The following POM121C variants were observed in gnomAD, a reference collection of about 807,000 sequenced individuals.
The protein encoded by POM121C is POM121 transmembrane nucleoporin C.
In POM121C, 20 loss-of-function variants were observed where a neutral mutation model predicts 66.4. The observed-to-expected ratio is 0.30, with a 90% CI of 0.21 to 0.44. The LOEUF is 0.44. POM121C is among the 20% of genes least tolerant of loss of function. The pLI is 1.00. For missense variants in POM121C, 580 were observed against 1,225.7 expected (o/e 0.47, Z 7.87); for synonymous variants, 286 against 528.0 (o/e 0.54, Z 6.28).
intron 6 of POM121C, among the ~76,000 whole-genome samples, chr7:75,438,385 G>A (rs1790497813): frequency 6.6e-6 from 1 of 152,102 alleles, no homozygotes; most frequent in Non-Finnish European, 1.5e-5. Flanking sequence ...TTGGTTTTTT[G>A]GAGACCATTG....
Position 75,439,136 on chromosome 7 carries a change from G to C in POM121C, c.308+8C>G, listed in dbSNP as rs782361969. On this transcript the variant is annotated splice_region_variant and intron_variant, in intron 6 of 14. Coordinates refer to ENST00000615331, the MANE Select transcript of POM121C (RefSeq NM_001099415.3). ...GTTGGTATTTCATCTGGATGGACTC[G>C]CACTTACTTAGGCACAAAAGAAGCG... 1.2e-6 allele frequency: 2 copies of C among 1,613,916 alleles called. No individual in the cohort carries two copies. The highest frequency in any genetic ancestry group is 1.1e-5 in the South Asian group (1 of 91,084).
At chr7:75,424,297 G>A in intron 11 of POM121C, 72 bp from the exon 12 acceptor site, 4 of 1,562,772 alleles carry the variant, frequency 2.6e-6, no homozygotes, top group Non-Finnish European at 3.5e-6. Flanking sequence ...TCGGAGAGCA[G>A]GCTCTCAGCA....
Position 75,431,310 on chromosome 7 carries a change from G to C in POM121C, c.481-4857C>G, listed in dbSNP as rs371278414. On this transcript the variant is annotated intron_variant, in intron 7 of 14. Coordinates refer to ENST00000615331, the MANE Select transcript of POM121C (RefSeq NM_001099415.3). ...TAAAAATCTCATATACTGCTGGTAA[G>C]AATATAAACCGGGCTGGGTGCAGTG... 7.2e-4 allele frequency among the ~76,000 whole-genome samples: 110 copies of C among 152,194 alleles called. 3 individuals carry two copies. The South Asian group carries it at 0.021, about 29-fold the overall frequency.
intron 1 of POM121C, among the ~76,000 whole-genome samples, chr7:75,478,109 G>T (rs2116540731): frequency 6.6e-6 from 1 of 152,282 alleles, no homozygotes; most frequent in Admixed American, 6.5e-5. Flanking sequence ...TGGGATTACA[G>T]GCGTGCACCA....
At chr7:75,433,214 G>A (rs1284433540) in intron 7 of POM121C, among the ~76,000 whole-genome samples, 2 of 102,924 alleles carry the variant, frequency 1.9e-5, no homozygotes, top group African/African-American at 3.8e-5. Flanking sequence ...TAGCCCCAGC[G>A]ACAGTGTGAG....
chr7:75,471,215 G>T (rs1791862859), intron 3 of POM121C, among the ~76,000 whole-genome samples: 1 of 152,074 alleles, frequency 6.6e-6, no homozygotes, highest in South Asian at 2.1e-4. Context: ...TAGATTGATT[G>T]ATTTATTCAT....
chr7:75,431,374 C>CCCA (rs1584659689), intron 7 of POM121C, among the ~76,000 whole-genome samples: 1 of 149,986 alleles, frequency 6.7e-6, no homozygotes, highest in East Asian at 2.0e-4. Flanking sequence ...GAGGCCAAGG[C>CCCA]AGTTGGATCA....
chr7:75,478,104 T>C (rs1792160528), intron 1 of POM121C, among the ~76,000 whole-genome samples: 1 of 152,102 alleles, frequency 6.6e-6, no homozygotes, highest in Admixed American at 6.6e-5. Flanking sequence ...GTAGCTGGGA[T>C]TACAGGCGTG....
intron 12 of POM121C, among the ~76,000 whole-genome samples, chr7:75,423,627 G>A (rs1291022585): frequency 2.6e-5 from 4 of 151,916 alleles, no homozygotes; most frequent in Admixed American, 6.6e-5. Flanking sequence ...AGAGGTGTGC[G>A]CGCGCAGTGC....
intron 13 of POM121C, chr7:75,420,732 C>G (rs1554470488): frequency 6.6e-6 from 1 of 152,568 alleles, no homozygotes; most frequent in Non-Finnish European, 1.5e-5. Context: ...CTGCATCCTT[C>G]TGCCTGATTC....
At chr7:75,440,389 G>A (rs1156322989) in intron 5 of POM121C, among the ~76,000 whole-genome samples, 28 of 151,102 alleles carry the variant, frequency 1.9e-4, no homozygotes, top group East Asian at 1.4e-3. Flanking sequence ...AATATGGTGA[G>A]ACCCTGTCTC....
chr7:75,478,197 C>A (rs1391713885), intron 1 of POM121C, among the ~76,000 whole-genome samples: 2 of 152,170 alleles, frequency 1.3e-5, no homozygotes, highest in Admixed American at 6.5e-5. Flanking sequence ...GAACTCCTGA[C>A]CTCGTGATCC....
In POM121C at chr7:75,482,393, C is replaced by G. The variant is rs138937895; in HGVS notation, c.-458+3471G>C. 2.9e-3 allele frequency among the ~76,000 whole-genome samples: 444 copies of G among 152,252 alleles called. 1 individual carries two copies. Among genetic ancestry groups the G allele is most frequent in the Non-Finnish European group, 5.3e-3 (362 of 68,020 alleles). On this transcript the variant is annotated intron_variant, in intron 1 of 14. Transcript: ENST00000615331. ...GAGTTTGAGACCAGCCTGAGCAATACAGTGAGAATACATTTCTAGGCCGGG... is the reference window on the plus strand; with the variant it reads ...GAGTTTGAGACCAGCCTGAGCAATAGAGTGAGAATACATTTCTAGGCCGGG...
intron 3 of POM121C, among the ~76,000 whole-genome samples, chr7:75,454,587 A>T (rs1468056065): frequency 6.6e-6 from 1 of 152,222 alleles, no homozygotes; most frequent in Non-Finnish European, 1.5e-5. Flanking sequence ...CCCTGCTCCC[A>T]ATCTGGTGAC....
At chr7:75,479,342 G>A (rs1415802829) in intron 1 of POM121C, among the ~76,000 whole-genome samples, 1 of 152,184 alleles carries the variant, frequency 6.6e-6, no homozygotes, top group Non-Finnish European at 1.5e-5. Flanking sequence ...TGGGCCAAGT[G>A]TGGTGGCTCA....
chr7:75,452,932 G>A (rs1469130946), intron 3 of POM121C, among the ~76,000 whole-genome samples: 1 of 152,136 alleles, frequency 6.6e-6, no homozygotes, highest in Admixed American at 6.5e-5. Context: ...GGGTGGGGAG[G>A]GAGAGGAGAT....
chr7:75,448,022 T>TC (rs1383792339), intron 3 of POM121C, among the ~76,000 whole-genome samples: 2 of 115,782 alleles, frequency 1.7e-5, no homozygotes, highest in Admixed American at 8.7e-5. Flanking sequence ...AGACTCCGTC[T>TC]CAAAAAAAAA....
chr7:75,469,104 T>A (rs1791780916), intron 3 of POM121C, among the ~76,000 whole-genome samples: 1 of 151,602 alleles, frequency 6.6e-6, no homozygotes, highest in Non-Finnish European at 1.5e-5. Context: ...CTACTTTCTT[T>A]TTTTTTTTTT....
At position 75,418,805 on chromosome 7, in the gene POM121C, G is replaced by A; in HGVS notation, c.2955C>T (p.Arg985=). 1.9e-6 allele frequency: 3 copies of A among 1,608,100 alleles called. No homozygotes were observed. The highest frequency in any genetic ancestry group is 2.2e-5 in the South Asian group (2 of 90,542). Residue 985 remains arginine, a synonymous_variant, in exon 15 of 15, where the codon CGC becomes CGT. Transcript: ENST00000615331. Reference sequence around the variant, plus strand: ...GGACAGGGGACAAAGGCTACTTTTTGCGGGTGTGCTGCCTTCGGGCCTGCA... The same window carrying A: ...GGACAGGGGACAAAGGCTACTTTTTACGGGTGTGCTGCCTTCGGGCCTGCA... The part of the protein sequence containing the change: ...QRLQARRQHT[R]KK
Sources: allele counts gnomAD v4.1 joint callset (sites outside exome capture counted in the v4.1 genomes callset), GRCh38; gene constraint gnomAD v4.1.1; transcripts MANE v1.5; gene names NCBI Gene and HGNC (gene_info 2026-07-23, HGNC 2026-07-21).